The following ADAMTS6 variants were observed in gnomAD, a reference collection of about 807,000 sequenced individuals.
The protein encoded by ADAMTS6 is ADAM metallopeptidase with thrombospondin type 1 motif 6, also known as A disintegrin and metalloproteinase with thrombospondin motifs 6.
In ADAMTS6, 23 loss-of-function variants were observed where a neutral mutation model predicts 144.3. The observed-to-expected ratio is 0.16, with a 90% CI of 0.11 to 0.23. The LOEUF is 0.23. Ranked by LOEUF, ADAMTS6 falls within the 10% of genes least tolerant of loss-of-function variation. The pLI, the probability that ADAMTS6 is intolerant of heterozygous loss-of-function variation, is 1.00. For missense variants in ADAMTS6, 999 were observed against 1,379.6 expected (o/e 0.72, Z 4.37); for synonymous variants, 444 against 457.5 (o/e 0.97, Z 0.38).
At chr5:65,403,598 A>T (rs1312841364) in intron 7 of ADAMTS6, among the ~76,000 whole-genome samples, 137 of 152,270 alleles carry the variant, frequency 9.0e-4, no homozygotes, top group Non-Finnish European at 9.7e-4. Context: ...CTCTTATACA[A>T]TAAATTTTGA....
chr5:65,205,456 A>G (rs1332541974), intron 20 of ADAMTS6, among the ~76,000 whole-genome samples: 1 of 152,242 alleles, frequency 6.6e-6, no homozygotes, highest in African/African-American at 2.4e-5. Context: ...TCTTTTAGTC[A>G]GCTATTAGTA....
intron 10 of ADAMTS6, among the ~76,000 whole-genome samples, chr5:65,292,772 T>C (rs988498724): frequency 1.3e-5 from 2 of 152,118 alleles, no homozygotes; most frequent in Admixed American, 1.3e-4. Flanking sequence ...GAATATTAAG[T>C]ATGGTACTAA....
chr5:65,358,637 C>T (rs756265968), intron 7 of ADAMTS6, among the ~76,000 whole-genome samples: 74 of 152,032 alleles, frequency 4.9e-4, no homozygotes, highest in Admixed American at 2.6e-4. Context: ...TACTATAAAG[C>T]TGTAATAATC....
chr5:65,438,539 A>G (rs1480179448), intron 7 of ADAMTS6, among the ~76,000 whole-genome samples: 2 of 152,166 alleles, frequency 1.3e-5, no homozygotes, highest in East Asian at 3.9e-4. Flanking sequence ...ACATACATAC[A>G]TACATAAAAA....
At chr5:65,427,626 G>C in intron 7 of ADAMTS6, among the ~76,000 whole-genome samples, 1 of 151,738 alleles carries the variant, frequency 6.6e-6, no homozygotes, top group East Asian at 1.9e-4. Context: ...GTGAAACCCC[G>C]TCTCTACTAA....
intron 7 of ADAMTS6, among the ~76,000 whole-genome samples, chr5:65,436,463 A>G (rs1757414077): frequency 6.6e-6 from 1 of 152,224 alleles, no homozygotes; most frequent in South Asian, 2.1e-4. Context: ...CTTGAAAATT[A>G]GTCACTGCTC....
chr5:65,378,961 A>C (rs1751801697), intron 7 of ADAMTS6, among the ~76,000 whole-genome samples: 2 of 152,196 alleles, frequency 1.3e-5, no homozygotes, highest in Admixed American at 1.3e-4. Flanking sequence ...GAGAATAAAA[A>C]AAAAGTCATG....
At chr5:65,321,508 T>G (rs1745607863) in intron 9 of ADAMTS6, among the ~76,000 whole-genome samples, 1 of 152,090 alleles carries the variant, frequency 6.6e-6, no homozygotes, top group Admixed American at 6.6e-5. Flanking sequence ...GCTCTGTTGG[T>G]AGTTTCTTTT....
intron 15 of ADAMTS6, among the ~76,000 whole-genome samples, chr5:65,236,518 C>T (rs1211422084): frequency 6.6e-6 from 1 of 152,074 alleles, no homozygotes; most frequent in Non-Finnish European, 1.5e-5. Context: ...AACTCCTGGG[C>T]TCAGGAAATC....
At chr5:65,437,866 A>C (rs2150227500) in intron 7 of ADAMTS6, among the ~76,000 whole-genome samples, 1 of 152,266 alleles carries the variant, frequency 6.6e-6, no homozygotes, top group Non-Finnish European at 1.5e-5. Context: ...CGATTGGTTG[A>C]ATCTGCAAAC....
chr5:65,233,568 A>G (rs1758427908), intron 15 of ADAMTS6, among the ~76,000 whole-genome samples: 1 of 152,138 alleles, frequency 6.6e-6, no homozygotes, highest in African/African-American at 2.4e-5. Context: ...AAATTAAGAA[A>G]ACAATCTTAT....
At chr5:65,228,298 A>G (rs1361662216) in intron 15 of ADAMTS6, among the ~76,000 whole-genome samples, 1 of 152,228 alleles carries the variant, frequency 6.6e-6, no homozygotes. Context: ...TTAATTATGT[A>G]ACGTAATATT....
At chr5:65,467,589 T>G (rs1157744037) in intron 3 of ADAMTS6, among the ~76,000 whole-genome samples, 1 of 152,168 alleles carries the variant, frequency 6.6e-6, no homozygotes, top group Non-Finnish European at 1.5e-5. Flanking sequence ...TAAATAAATT[T>G]TATGCCCTAT....
chr5:65,452,756 T>C lies in ADAMTS6; in HGVS notation c.794A>G (p.Tyr265Cys). ...LVVADKMMVGYHGRKDIEHYI... is the reference protein window; with the variant it reads ...LVVADKMMVGCHGRKDIEHYI... ...ATGTTCAATGTCTTTGCGGCCATGGTAGCCCACCATCATTTTGTCTGCCAC... is the reference window on the plus strand; with the variant it reads ...ATGTTCAATGTCTTTGCGGCCATGGCAGCCCACCATCATTTTGTCTGCCAC... Residue 265 changes from tyrosine to cysteine, a missense_variant, in exon 5 of 25, where the codon TAC becomes TGC. Tyr to Cys is a radical substitution (Grantham distance 194, BLOSUM62 -2). Coordinates refer to ENST00000381055, the MANE Select transcript of ADAMTS6 (RefSeq NM_197941.4). 2 of 1,614,120 alleles carry C rather than the reference T, an allele frequency of 1.2e-6. No individual in the cohort carries two copies. The highest frequency in any genetic ancestry group is 1.7e-6 in the Non-Finnish European group (2 of 1,179,950).
At chr5:65,207,415 A>G (rs1756182068) in intron 20 of ADAMTS6, among the ~76,000 whole-genome samples, 1 of 152,176 alleles carries the variant, frequency 6.6e-6, no homozygotes, top group South Asian at 2.1e-4. Context: ...TGTACTGCAA[A>G]TAAACTATTC....
intron 7 of ADAMTS6, among the ~76,000 whole-genome samples, chr5:65,445,153 T>C (rs1416661907): frequency 1.3e-5 from 2 of 152,218 alleles, no homozygotes. Flanking sequence ...AAGGTGTGTA[T>C]AAAGATAATT....
rs138708844 is a variant in ADAMTS6, at chr5:65,328,122, C to T, written c.1223+1256G>A. Among the ~76,000 whole-genome samples, 52 of 152,150 alleles carry T rather than the reference C, an allele frequency of 3.4e-4. No individual in the cohort carries two copies. In the East Asian group the frequency reaches 9.4e-3, roughly 28 times the overall value. ...ATACTGACTTTTCCTGTGTCTGAAT[C>T]AAGCCGGGTTTGAAACTTGCTGTTT... On this transcript the variant is annotated intron_variant, in intron 9 of 24. Coordinates refer to ENST00000381055, the MANE Select transcript of ADAMTS6 (RefSeq NM_197941.4).
intron 7 of ADAMTS6, among the ~76,000 whole-genome samples, chr5:65,341,282 C>A (rs1447507931): frequency 6.6e-6 from 1 of 151,742 alleles, no homozygotes; most frequent in African/African-American, 2.4e-5. Context: ...AACAACTTAA[C>A]AATGCATCTC....
At chr5:65,374,031 A>C (rs183132008) in intron 7 of ADAMTS6, among the ~76,000 whole-genome samples, 15 of 152,242 alleles carry the variant, frequency 9.9e-5, no homozygotes, top group African/African-American at 2.7e-4. Context: ...CAATAGATGC[A>C]GAAAAGTCCT....
Sources: allele counts gnomAD v4.1 joint callset (sites outside exome capture counted in the v4.1 genomes callset), GRCh38; gene constraint gnomAD v4.1.1; transcripts MANE v1.5; gene names NCBI Gene and HGNC (gene_info 2026-07-23, HGNC 2026-07-21).